The following RPH3A variants were observed in gnomAD, a reference collection of about 807,000 sequenced individuals.
The protein encoded by RPH3A is rabphilin-3A.
A neutral mutation model predicts 102.2 loss-of-function variants in RPH3A; 48 were observed. The ratio of observed to expected loss-of-function variants is 0.47; its 90% CI spans 0.37 to 0.60. RPH3A has a LOEUF of 0.60. RPH3A is among the 20% of genes least tolerant of loss of function. RPH3A has a pLI of 0.00. For synonymous variants in RPH3A, 310 were observed against 324.3 expected (o/e 0.96, Z 0.47); for missense variants, 781 against 910.1 (o/e 0.86, Z 1.83).
intron 1 of RPH3A, among the ~76,000 whole-genome samples, chr12:112,747,422 A>C (rs2040756593): frequency 1.3e-5 from 2 of 152,262 alleles, no homozygotes; most frequent in South Asian, 4.1e-4. Flanking sequence ...TCCAGCCTCC[A>C]GAACTATAAG....
upstream of RPH3A, among the ~76,000 whole-genome samples, chr12:112,786,844 C>T (rs956886797): frequency 2.6e-5 from 4 of 152,194 alleles, no homozygotes; most frequent in African/African-American, 7.2e-5. Flanking sequence ...CTGAAGACAA[C>T]ATAGATTAAT....
intron 1 of RPH3A, among the ~76,000 whole-genome samples, chr12:112,767,454 C>T (rs890433345): frequency 3.3e-5 from 5 of 152,164 alleles, no homozygotes; most frequent in Non-Finnish European, 5.9e-5. Context: ...AACTGCATGG[C>T]GTGGCATTCG....
intron 1 of RPH3A, among the ~76,000 whole-genome samples, chr12:112,633,806 T>C (rs1467890999): frequency 6.6e-6 from 1 of 152,218 alleles, no homozygotes; most frequent in African/African-American, 2.4e-5. Flanking sequence ...AATTTATGAA[T>C]ATTTCAAAAC....
intron 1 of RPH3A, among the ~76,000 whole-genome samples, chr12:112,672,190 A>G (rs2040137406): frequency 6.6e-6 from 1 of 152,048 alleles, no homozygotes; most frequent in South Asian, 2.1e-4. Context: ...TGAGTCTGAA[A>G]GCTGGAAACT....
chr12:112,735,364 G>A (rs962811766), intron 1 of RPH3A, among the ~76,000 whole-genome samples: 5 of 152,198 alleles, frequency 3.3e-5, no homozygotes, highest in African/African-American at 7.2e-5. Flanking sequence ...GTTGGGGAGA[G>A]AAGCTTAGAA....
intron 14 of RPH3A, among the ~76,000 whole-genome samples, chr12:112,881,230 A>G (rs1402778273): frequency 6.6e-6 from 1 of 152,150 alleles, no homozygotes; most frequent in East Asian, 1.9e-4. Context: ...ACCTACCCTA[A>G]GCTTCCTTCC....
In RPH3A at chr12:112,575,694, A is replaced by G. The variant is rs577312697; in HGVS notation, c.-140+375A>G. On this transcript the variant is annotated intron_variant, in intron 1 of 21. Transcript: ENST00000543106. Reference sequence around the variant, plus strand: ...ATGTGCGCTTTTACCCAGGCTCGATATGTGCCTCTCCTGGAGCCGGCTGGG... The same window carrying G: ...ATGTGCGCTTTTACCCAGGCTCGATGTGTGCCTCTCCTGGAGCCGGCTGGG... Among the ~76,000 whole-genome samples the G allele has an allele frequency of 1.3e-4, 19 of 150,924 alleles. No individual in the cohort carries two copies. In the East Asian group the frequency reaches 3.7e-3, roughly 29 times the overall value.
intron 1 of RPH3A, among the ~76,000 whole-genome samples, chr12:112,700,983 G>A (rs545238061): frequency 1.3e-5 from 2 of 151,966 alleles, no homozygotes; most frequent in South Asian, 2.1e-4. Context: ...TCTTCCCTTC[G>A]GTGTCCCCAG....
At chr12:112,764,741 T>A (rs1226942245) in intron 1 of RPH3A, among the ~76,000 whole-genome samples, 1 of 152,164 alleles carries the variant, frequency 6.6e-6, no homozygotes, top group East Asian at 1.9e-4. Flanking sequence ...AGCTTTTACC[T>A]TATGGCTCTG....
intron 2 of RPH3A, among the ~76,000 whole-genome samples, chr12:112,796,353 C>G (rs1187557149): frequency 6.6e-6 from 1 of 152,202 alleles, no homozygotes; most frequent in Non-Finnish European, 1.5e-5. Flanking sequence ...TATGGCACTT[C>G]TTTGTAGGAG....
rs148478513 is a variant in RPH3A, at chr12:112,827,255, CT to C, written c.-18-1042del. Among the ~76,000 whole-genome samples the C allele has an allele frequency of 5.1e-3, 778 of 152,230 alleles. 4 individuals are homozygous for C. Among genetic ancestry groups the C allele is most frequent in the African/African-American group, 0.018 (737 of 41,540 alleles). The stretch of plus-strand genomic sequence containing the variant: ...GGGCAACCACTAATCTCATTTTTAT[CT>C]TTTATAGATTTTCCTATTCTGTATA... On this transcript the variant is annotated intron_variant, in intron 2 of 21. Transcript: ENST00000389385.
intron 1 of RPH3A, among the ~76,000 whole-genome samples, chr12:112,746,628 G>A (rs1372039064): frequency 1.3e-5 from 2 of 152,132 alleles, no homozygotes; most frequent in African/African-American, 2.4e-5. Flanking sequence ...AGTAAAATGC[G>A]AACATCTGTC....
intron 1 of RPH3A, among the ~76,000 whole-genome samples, chr12:112,580,546 G>A (rs1160655021): frequency 6.6e-6 from 1 of 151,804 alleles, no homozygotes; most frequent in African/African-American, 2.4e-5. Flanking sequence ...TGGGACCACC[G>A]GCGCCCGCCA....
At chr12:112,769,526 G>A (rs2040913900) in intron 1 of RPH3A, among the ~76,000 whole-genome samples, 1 of 152,232 alleles carries the variant, frequency 6.6e-6, no homozygotes, top group African/African-American at 2.4e-5. Flanking sequence ...ATCTAACCAT[G>A]TTACGTTTAG....
rs1370897032 is a variant in RPH3A at position 112,869,998 on chromosome 12, A to G, written c.755A>G (p.Asp252Gly). The G allele has an allele frequency of 6.2e-7, 1 of 1,614,112 alleles. No homozygotes were observed. The highest frequency in any genetic ancestry group is 1.1e-5 in the South Asian group (1 of 91,076). Reference protein sequence around the residue: ...SSSSRDSESWDHSGGAGDSSR... With the variant: ...SSSSRDSESWGHSGGAGDSSR... The stretch of plus-strand genomic sequence containing the variant: ...TCTAGCCGAGATTCAGAGAGCTGGG[A>G]CCACAGTGGGGGTGCTGGAGACTCC... Residue 252 changes from aspartate to glycine, a missense_variant, in exon 10 of 22, where the codon GAC becomes GGC. Asp to Gly is a moderately conservative substitution (Grantham distance 94). This residue lies in a region of RPH3A where 730 missense variants were observed against 810.0 expected (regional missense o/e 0.90). Coordinates refer to ENST00000389385, the MANE Select transcript of RPH3A (RefSeq NM_001143854.2).
At chr12:112,727,095 G>A (rs1259351085) in intron 1 of RPH3A, among the ~76,000 whole-genome samples, 2 of 151,912 alleles carry the variant, frequency 1.3e-5, no homozygotes, top group East Asian at 3.9e-4. Context: ...TCTCAGGTAA[G>A]GTGACAAATC....
intron 1 of RPH3A, among the ~76,000 whole-genome samples, chr12:112,712,925 CTCT>C (rs529826755): frequency 0.084 from 7,891 of 94,260 alleles, 403 homozygotes; most frequent in Non-Finnish European, 0.1. Context: ...CTTCTTCTTC[CTCT>C]TCTTCTTCTT....
intron 5 of RPH3A, among the ~76,000 whole-genome samples, chr12:112,853,643 A>G (rs1009652571): frequency 2.0e-5 from 3 of 152,212 alleles, no homozygotes; most frequent in Middle Eastern, 3.2e-3. Context: ...AGCCTGGCCA[A>G]CATGGTGAAA....
At chr12:112,578,867 C>A (rs1454387686) in intron 1 of RPH3A, among the ~76,000 whole-genome samples, 1 of 151,990 alleles carries the variant, frequency 6.6e-6, no homozygotes, top group African/African-American at 2.4e-5. Context: ...CAGCTCTGGG[C>A]AATCATTACC....
Sources: allele counts gnomAD v4.1 joint callset (sites outside exome capture counted in the v4.1 genomes callset), GRCh38; gene constraint gnomAD v4.1.1; regional missense constraint gnomAD v4.1.1; transcripts MANE v1.5; gene names NCBI Gene and HGNC (gene_info 2026-07-23, HGNC 2026-07-21).